FHL5: variants seen among roughly 807,000 people sequenced by gnomAD.
FHL5 encodes the protein four and a half LIM domains 5, also known as four and a half LIM domains protein 5.
Under a neutral mutation model 32.0 loss-of-function variants are expected in FHL5, and 33 were observed. The ratio of observed to expected loss-of-function variants is 1.03; its 90% confidence interval spans 0.78 to 1.38. The LOEUF (loss-of-function observed/expected upper bound fraction) is 1.38, where lower values mean the gene tolerates loss of function less well. FHL5 is among the 40% of genes most tolerant of loss of function. The pLI is 0.00. For synonymous variants in FHL5, 114 were observed against 113.6 expected (o/e 1.00, Z -0.02); for missense variants, 336 against 343.9 (o/e 0.98, Z 0.18).
intron 1 of FHL5, among the ~76,000 whole-genome samples, chr6:96,592,408 C>T (rs1339327009): frequency 6.6e-6 from 1 of 152,174 alleles, no homozygotes; most frequent in African/African-American, 2.4e-5. Flanking sequence ...GGTTATCTCT[C>T]TTATTCCCTT....
rs367567459 is a variant in FHL5, at chr6:96,580,092, T to C, written c.-13+16737T>C. The stretch of plus-strand genomic sequence containing the variant: ...GAATATATCTGGAGACTTCTCCCTG[T>C]AAATCAAAGAAAGGATGCTTACCAC... On this transcript the variant is annotated intron_variant, in intron 1 of 5. Transcript: ENST00000450218. Among the ~76,000 whole-genome samples, 13 of 152,328 alleles carry C rather than the reference T, an allele frequency of 8.5e-5. 1 individual carries two copies. Among genetic ancestry groups the C allele is most frequent in the African/African-American group, 2.6e-4 (11 of 41,584 alleles).
chr6:96,615,580 A>C (rs371781196), intron 5 of FHL5, 29 bp from the exon 6 acceptor site: 1 of 1,570,732 alleles, frequency 6.4e-7, no homozygotes, highest in Non-Finnish European at 8.7e-7. Flanking sequence ...GAAAGGATAG[A>C]TTAATCTTTT....
intron 1 of FHL5, among the ~76,000 whole-genome samples, chr6:96,568,319 A>G: frequency 6.6e-6 from 1 of 151,834 alleles, no homozygotes; most frequent in Non-Finnish European, 1.5e-5. Context: ...AATCTTACCT[A>G]CATGGTGAAT....
chr6:96,608,273 T>A (rs769087746), intron 4 of FHL5, among the ~76,000 whole-genome samples: 4 of 152,184 alleles, frequency 2.6e-5, no homozygotes, highest in Non-Finnish European at 5.9e-5. Context: ...GTTTCCCAGG[T>A]TATTGGAGCC....
chr6:96,611,399 A>G (rs533402141), intron 5 of FHL5, among the ~76,000 whole-genome samples: 1 of 152,350 alleles, frequency 6.6e-6, no homozygotes, highest in East Asian at 1.9e-4. Flanking sequence ...TGAAAATAAC[A>G]TAATGATAAA....
At chr6:96,578,883 G>T (rs573656299) in intron 1 of FHL5, among the ~76,000 whole-genome samples, 46 of 152,038 alleles carry the variant, frequency 3.0e-4, no homozygotes, top group Admixed American at 4.6e-4. Context: ...AAATTGATTT[G>T]GATTAGTTAT....
chr6:96,581,658 T>C (rs1289724456), intron 1 of FHL5, among the ~76,000 whole-genome samples: 2 of 152,282 alleles, frequency 1.3e-5, no homozygotes, highest in East Asian at 3.9e-4. Flanking sequence ...TGAAAGCTGG[T>C]AGAAACGGTG....
At chr6:96,575,861 T>G (rs1430849416) in intron 1 of FHL5, among the ~76,000 whole-genome samples, 1 of 152,226 alleles carries the variant, frequency 6.6e-6, no homozygotes, top group Non-Finnish European at 1.5e-5. Context: ...CAGTATGGTG[T>G]TTAGTTGGCC....
At chr6:96,610,542 G>A (rs776314248) in intron 4 of FHL5, 30 bp from the exon 5 acceptor site, 41 of 1,556,162 alleles carry the variant, frequency 2.6e-5, no homozygotes, top group Non-Finnish European at 3.5e-5. Context: ...TGGCTCCCAT[G>A]GTCATTGCCT....
At chr6:96,603,802 T>G (rs1771209655) in intron 2 of FHL5, 30 bp downstream of exon 2, 3 of 1,586,486 alleles carry the variant, frequency 1.9e-6, no homozygotes, top group South Asian at 2.3e-5. Flanking sequence ...ACAGAATTAC[T>G]GCCTATGAAC....
chr6:96,605,113 A>G (rs1771245130), intron 3 of FHL5, among the ~76,000 whole-genome samples, 189 bp downstream of exon 3: 1 of 152,222 alleles, frequency 6.6e-6, no homozygotes, highest in African/African-American at 2.4e-5. Flanking sequence ...GAACAGGTAA[A>G]TTACAGTGTT....
At chr6:96,574,779 A>G (rs1770551595) in intron 1 of FHL5, among the ~76,000 whole-genome samples, 1 of 152,222 alleles carries the variant, frequency 6.6e-6, no homozygotes, top group Non-Finnish European at 1.5e-5. Context: ...ATATATATAA[A>G]GTCACTTTAT....
intron 4 of FHL5, among the ~76,000 whole-genome samples, chr6:96,609,259 C>CT (rs1771347865): frequency 6.6e-6 from 1 of 152,124 alleles, no homozygotes; most frequent in Non-Finnish European, 1.5e-5. Context: ...AAAATAGGCT[C>CT]TAAGTTTTTA....
At position 96,616,568 on chromosome 6, in the gene FHL5, A is replaced by C. The variant is rs1771526565; in HGVS notation, c.*796A>C. ...CATGAAATAAAAGTCTATTCTTTCA[A>C]GTGGAGCTAACCAGGATAATCTTTG... On this transcript the variant is annotated 3_prime_UTR_variant, in exon 6 of 6. Transcript: ENST00000450218. The C allele has an allele frequency of 6.6e-6, 1 of 152,220 alleles. No homozygotes were observed. 9.4% of individuals were successfully genotyped at this position (152,220 alleles called of 1,614,324 possible).
chr6:96,608,775 T>C (rs942786674), intron 4 of FHL5, among the ~76,000 whole-genome samples: 1 of 152,194 alleles, frequency 6.6e-6, no homozygotes, highest in African/African-American at 2.4e-5. Flanking sequence ...AAACCAAGCT[T>C]AGATATTAGA....
At position 96,615,505 on chromosome 6, in the gene FHL5, T is replaced by C. The variant is rs956091502; in HGVS notation, c.692-104T>C. The C allele has an allele frequency of 5.6e-6, 5 of 895,786 alleles. No individual in the cohort carries two copies. In the African/African-American group the frequency reaches 6.9e-5, roughly 12 times the overall value. The allele number at this position is 895,786 out of a possible 1,614,324, so 55.5% of individuals were successfully genotyped here. On this transcript the variant is annotated intron_variant, in intron 5 of 5. Transcript: ENST00000450218. ...TTTTGGGTTATTTGCCTCTGCGTTGTTTTGCTCATAGCTCTATCTCCAGTT... is the reference window on the plus strand; with the variant it reads ...TTTTGGGTTATTTGCCTCTGCGTTGCTTTGCTCATAGCTCTATCTCCAGTT...
In FHL5 at chr6:96,603,779, C is replaced by G. The variant is rs541758354; in HGVS notation, c.159+7C>G. ...AATTGAATCTGATTCTAAGGTAAGT[C>G]TCACCTCAATTTACAGAATTACTGC... On this transcript the variant is annotated splice_region_variant and intron_variant, in intron 2 of 5. Transcript: ENST00000450218. 1.2e-6 allele frequency: 2 copies of G among 1,602,362 alleles called. No individual in the cohort carries two copies. Among genetic ancestry groups the G allele is most frequent in the Non-Finnish European group, 1.7e-6 (2 of 1,174,138 alleles).
At chr6:96,574,389 T>TC (rs1770543967) in intron 1 of FHL5, among the ~76,000 whole-genome samples, 2 of 152,356 alleles carry the variant, frequency 1.3e-5, no homozygotes, top group South Asian at 4.1e-4. Flanking sequence ...TCTACTGTTG[T>TC]ACCTGGAAAT....
At chr6:96,591,289 T>G (rs903057604) in intron 1 of FHL5, among the ~76,000 whole-genome samples, 1 of 152,188 alleles carries the variant, frequency 6.6e-6, no homozygotes, top group Non-Finnish European at 1.5e-5. Flanking sequence ...CTTGTGTCAA[T>G]TTTAATAGTT....
Sources: gnomAD v4.1 joint callset for allele counts (sites outside exome capture counted in the v4.1 genomes callset) on GRCh38, gnomAD v4.1.1 for gene constraint, MANE v1.5 for transcripts, NCBI Gene and HGNC (gene_info 2026-07-23, HGNC 2026-07-21) for gene names.